KCNH7: variants seen among roughly 807,000 people sequenced by gnomAD.
KCNH7 encodes voltage-gated inwardly rectifying potassium channel KCNH7.
Under a neutral mutation model 120.8 loss-of-function variants are expected in KCNH7, and 49 were observed. The ratio of observed to expected loss-of-function variants is 0.41; its 90% CI spans 0.32 to 0.51. The LOEUF (loss-of-function observed/expected upper bound fraction) is 0.51. KCNH7 is among the 20% of genes least tolerant of loss of function. The pLI, the probability that KCNH7 is intolerant of heterozygous loss-of-function variation, is 0.38. For synonymous variants in KCNH7, 547 were observed against 516.1 expected (o/e 1.06, Z -0.81); for missense variants, 1,097 against 1,446.6 (o/e 0.76, Z 3.92).
intron 3 of KCNH7, among the ~76,000 whole-genome samples, chr2:162,529,247 T>C (rs1230427490): frequency 6.6e-6 from 1 of 151,846 alleles, no homozygotes; most frequent in East Asian, 2.0e-4. Flanking sequence ...TAGGAAGGAA[T>C]GAATATTAAA....
chr2:162,536,901 G>C, intron 3 of KCNH7, 24 bp downstream of exon 3: 1 of 1,599,096 alleles, frequency 6.3e-7, no homozygotes, highest in Non-Finnish European at 8.6e-7. Flanking sequence ...CAAGAGCATT[G>C]AGTACACATT....
chr2:162,381,040 TG>T (rs1408469023), intron 13 of KCNH7, among the ~76,000 whole-genome samples: 2 of 152,126 alleles, frequency 1.3e-5, no homozygotes, highest in Non-Finnish European at 2.9e-5. Context: ...ATTAACAGGT[TG>T]GAAAATGAAA....
intron 9 of KCNH7, among the ~76,000 whole-genome samples, chr2:162,413,041 C>T (rs1222239009): frequency 6.6e-6 from 1 of 152,028 alleles, no homozygotes; most frequent in South Asian, 2.1e-4. Context: ...TCTTAAATAG[C>T]CAGGAGAAAT....
At chr2:162,678,868 A>G (rs987674836) in intron 2 of KCNH7, among the ~76,000 whole-genome samples, 1 of 151,706 alleles carries the variant, frequency 6.6e-6, no homozygotes, top group South Asian at 2.1e-4. Context: ...GTAGAGTGAG[A>G]AAAGTCTGTT....
At chr2:162,699,558 A>C (rs928736084) in intron 2 of KCNH7, among the ~76,000 whole-genome samples, 5 of 152,186 alleles carry the variant, frequency 3.3e-5, no homozygotes, top group African/African-American at 1.2e-4. Flanking sequence ...TTGCATGTGC[A>C]GAATGTGCAG....
chr2:162,653,376 T>C (rs914928825), intron 2 of KCNH7, among the ~76,000 whole-genome samples: 1 of 152,174 alleles, frequency 6.6e-6, no homozygotes, highest in Non-Finnish European at 1.5e-5. Flanking sequence ...ATTAATTCAG[T>C]AAAGTTGTAG....
intron 2 of KCNH7, among the ~76,000 whole-genome samples, chr2:162,725,207 T>C (rs1195168270): frequency 6.6e-6 from 1 of 152,236 alleles, no homozygotes; most frequent in Admixed American, 6.5e-5. Flanking sequence ...CTATACTTTA[T>C]ATTCACTTTG....
At chr2:162,426,082 T>C (rs1181743486) in intron 8 of KCNH7, among the ~76,000 whole-genome samples, 17 of 151,856 alleles carry the variant, frequency 1.1e-4, no homozygotes, top group Non-Finnish European at 8.8e-5. Flanking sequence ...GGTATGGTGG[T>C]GTGCGCCTGT....
intron 6 of KCNH7, among the ~76,000 whole-genome samples, chr2:162,492,425 C>T (rs1263259897): frequency 6.6e-6 from 1 of 152,154 alleles, no homozygotes; most frequent in East Asian, 1.9e-4. Flanking sequence ...TGGTCTTTGC[C>T]ATTTTAATGG....
intron 9 of KCNH7, among the ~76,000 whole-genome samples, chr2:162,420,237 G>A (rs769342492): frequency 2.8e-4 from 42 of 151,994 alleles, no homozygotes; most frequent in Non-Finnish European, 5.1e-4. Context: ...TTAGCCAGGC[G>A]TGGTGGCATG....
chr2:162,780,308 A>G (rs1445141174), intron 2 of KCNH7, among the ~76,000 whole-genome samples: 1 of 152,116 alleles, frequency 6.6e-6, no homozygotes, highest in East Asian at 1.9e-4. Flanking sequence ...ACAAAAGTAT[A>G]TCTCATTCTT....
At chr2:162,485,498 C>G (rs1690063740) in intron 6 of KCNH7, among the ~76,000 whole-genome samples, 1 of 152,108 alleles carries the variant, frequency 6.6e-6, no homozygotes, top group African/African-American at 2.4e-5. Flanking sequence ...CTCATACTTG[C>G]AGTGTCCAGT....
intron 6 of KCNH7, among the ~76,000 whole-genome samples, chr2:162,451,049 G>T (rs1688751482): frequency 6.6e-6 from 1 of 152,016 alleles, no homozygotes; most frequent in South Asian, 2.1e-4. Flanking sequence ...TGGAATAAAG[G>T]AAAGAGCACT....
chr2:162,835,793 C>G (rs1685643553), intron 2 of KCNH7, among the ~76,000 whole-genome samples: 1 of 152,086 alleles, frequency 6.6e-6, no homozygotes, highest in Non-Finnish European at 1.5e-5. Flanking sequence ...TTATGTCTAA[C>G]TCTTACGGCT....
intron 2 of KCNH7, among the ~76,000 whole-genome samples, chr2:162,725,098 G>GAATC (rs1687468837): frequency 6.6e-6 from 1 of 152,100 alleles, no homozygotes; most frequent in Non-Finnish European, 1.5e-5. Flanking sequence ...ATGGTGTTTA[G>GAATC]AATCAAAGAA....
intron 6 of KCNH7, among the ~76,000 whole-genome samples, chr2:162,492,397 C>T (rs547227885): frequency 1.2e-4 from 19 of 152,286 alleles, no homozygotes; most frequent in African/African-American, 3.6e-4. Context: ...CTTGTAACCA[C>T]GTGGCAGTAC....
At chr2:162,712,739 G>GT (rs1443776699) in intron 2 of KCNH7, among the ~76,000 whole-genome samples, 6 of 152,056 alleles carry the variant, frequency 3.9e-5, no homozygotes, top group African/African-American at 1.2e-4. Flanking sequence ...TTTTCAACAC[G>GT]TATCATTTAG....
At chr2:162,603,771 T>C (rs1046737103) in intron 2 of KCNH7, among the ~76,000 whole-genome samples, 5 of 152,166 alleles carry the variant, frequency 3.3e-5, no homozygotes, top group Non-Finnish European at 7.4e-5. Flanking sequence ...GCTTGAACAC[T>C]GTCCTCAGTG....
chr2:162,371,771 A>G lies in KCNH7; in HGVS notation c.*58T>C. On this transcript the variant is annotated 3_prime_UTR_variant, in exon 16 of 16. Transcript: ENST00000332142. The stretch of plus-strand genomic sequence containing the variant: ...CAAGTAGAGAGGATTTAAATAGAAA[A>G]AGGAAAACAGCCATTAAAAGCACTT... 6.7e-7 allele frequency: 1 copy of G among 1,485,352 alleles called. No homozygotes were observed. The highest frequency in any genetic ancestry group is 1.2e-5 in the South Asian group (1 of 80,858). The allele number at this position is 1,485,352 out of a possible 1,614,324, so 92.0% of individuals were successfully genotyped here. A position where few individuals can be genotyped will look rare whatever the true frequency, so the allele number is the denominator to read the frequency against.
Sources: allele counts gnomAD v4.1 joint callset (sites outside exome capture counted in the v4.1 genomes callset), GRCh38; gene constraint gnomAD v4.1.1; transcripts MANE v1.5; gene names NCBI Gene and HGNC (gene_info 2026-07-23, HGNC 2026-07-21).